The following MTUS2 variants were observed in gnomAD, a reference collection of about 807,000 sequenced individuals.
MTUS2 encodes the protein microtubule associated scaffold protein 2.
A neutral mutation model predicts 114.1 loss-of-function variants in MTUS2; 40 were observed. The observed-to-expected ratio is 0.35, with a 90% CI of 0.27 to 0.46. The LOEUF (loss-of-function observed/expected upper bound fraction) is 0.46. Among genes scored for constraint, MTUS2 ranks in the 20% least tolerant of loss-of-function variants. The pLI, the probability that MTUS2 is intolerant of heterozygous loss-of-function variation, is 1.00. For missense variants in MTUS2, 1,679 were observed against 1,705.4 expected, an observed-to-expected ratio of 0.98 and a Z score of 0.27; for synonymous variants, 688 against 672.0, an observed-to-expected ratio of 1.02 and a Z score of -0.37.
chr13:29,146,980 GAT>G (rs1892462212), intron 5 of MTUS2, among the ~76,000 whole-genome samples: 1 of 152,172 alleles, frequency 6.6e-6, no homozygotes, highest in South Asian at 2.1e-4. Context: ...GAAACAATGA[GAT>G]ATCACACTAA....
At chr13:29,355,227 G>A (rs147609351) in intron 7 of MTUS2, among the ~76,000 whole-genome samples, 31 of 152,270 alleles carry the variant, frequency 2.0e-4, no homozygotes, top group Non-Finnish European at 3.4e-4. Flanking sequence ...TGCACGCAAC[G>A]CCTAGCCTTT....
chr13:29,023,983 C>G (rs1397222627), intron 2 of MTUS2, among the ~76,000 whole-genome samples: 2 of 152,154 alleles, frequency 1.3e-5, no homozygotes, highest in Non-Finnish European at 2.9e-5. Flanking sequence ...AATGAAGTAG[C>G]CTGGGGGAAG....
chr13:29,150,501 C>A (rs1334274005), intron 5 of MTUS2, among the ~76,000 whole-genome samples: 3 of 152,156 alleles, frequency 2.0e-5, no homozygotes, highest in Non-Finnish European at 4.4e-5. Flanking sequence ...TCTGTTCACA[C>A]TGTTGATAGT....
intron 7 of MTUS2, among the ~76,000 whole-genome samples, chr13:29,354,432 T>C (rs1869566118): frequency 6.6e-6 from 1 of 152,200 alleles, no homozygotes; most frequent in African/African-American, 2.4e-5. Flanking sequence ...CCTGTACTTC[T>C]TGTAAATCAC....
At chr13:29,391,081 GATT>G (rs113250854) in intron 8 of MTUS2, among the ~76,000 whole-genome samples, 5,810 of 151,226 alleles carry the variant, frequency 0.038, 395 homozygotes, top group African/African-American at 0.13. Flanking sequence ...GCCCATCCCA[GATT>G]ATTATTATTG....
intron 6 of MTUS2, among the ~76,000 whole-genome samples, chr13:29,313,742 C>T (rs1264545109): frequency 1.3e-5 from 2 of 151,972 alleles, no homozygotes; most frequent in Non-Finnish European, 2.9e-5. Context: ...CAAAAAGATC[C>T]AGAGCAAGAC....
chr13:29,477,339 T>C (rs1243430425), intron 9 of MTUS2, among the ~76,000 whole-genome samples: 1 of 152,222 alleles, frequency 6.6e-6, no homozygotes, highest in Non-Finnish European at 1.5e-5. Context: ...ACCTCTTCTG[T>C]GATTCCTAAG....
intron 2 of MTUS2, among the ~76,000 whole-genome samples, chr13:28,883,931 A>C (rs1025867510): frequency 2.0e-4 from 30 of 152,208 alleles, no homozygotes; most frequent in African/African-American, 7.0e-4. Context: ...ACTCACGTGC[A>C]TTGGCTGGGG....
chr13:29,361,908 C>G (rs976906082), intron 8 of MTUS2, among the ~76,000 whole-genome samples: 2 of 152,228 alleles, frequency 1.3e-5, no homozygotes, highest in Non-Finnish European at 2.9e-5. Context: ...ACAGCATGCT[C>G]TGGTGGAGAG....
chr13:29,458,023 A>T (rs1207437414), intron 9 of MTUS2, among the ~76,000 whole-genome samples: 1 of 152,108 alleles, frequency 6.6e-6, no homozygotes, highest in African/African-American at 2.4e-5. Flanking sequence ...AAGTGCTGGG[A>T]TTATAGGCGT....
intron 12 of MTUS2, among the ~76,000 whole-genome samples, chr13:29,495,119 G>A (rs1473777171): frequency 1.4e-5 from 2 of 147,788 alleles, no homozygotes; most frequent in Non-Finnish European, 3.0e-5. Flanking sequence ...CGGAGGCAGA[G>A]GTAGCAGTGA....
chr13:29,191,583 G>A, intron 5 of MTUS2, among the ~76,000 whole-genome samples: 1 of 152,072 alleles, frequency 6.6e-6, no homozygotes, highest in African/African-American at 2.4e-5. Context: ...ATGGGGGACT[G>A]GGCTTCTGTG....
At position 29,100,816 on chromosome 13, in the gene MTUS2, T is replaced by A; in HGVS notation, c.2490T>A (p.Asn830Lys). Residue 830 changes from asparagine to lysine, a missense_variant, in exon 5 of 16, where the codon AAT becomes AAA. Around this residue, in one of 3 missense-constraint regions of MTUS2, gnomAD observed 822 missense variants for 899.7 expected, o/e 0.91. Transcript: ENST00000612955. ...CCAGTTCAAATGCTGCAAAATCCAA[T>A]CTCCCGAAATCTGGTCTCCGTCCTC... Reference protein sequence around the residue: ...KASSSNAAKSNLPKSGLRPPG... With the variant: ...KASSSNAAKSKLPKSGLRPPG... 6.4e-7 allele frequency: 1 copy of A among 1,551,628 alleles called. No individual in the cohort carries two copies. The highest frequency in any genetic ancestry group is 8.7e-7 in the Non-Finnish European group (1 of 1,146,996).
chr13:29,206,124 T>C (rs1455570412), intron 5 of MTUS2, among the ~76,000 whole-genome samples: 1 of 152,206 alleles, frequency 6.6e-6, no homozygotes, highest in African/African-American at 2.4e-5. Context: ...AAGGTGGTAT[T>C]GCATTATGGT....
intron 8 of MTUS2, among the ~76,000 whole-genome samples, chr13:29,359,826 A>T (rs534627187): frequency 1.1e-3 from 163 of 152,278 alleles, no homozygotes; most frequent in Non-Finnish European, 1.9e-3. Flanking sequence ...GGAGATGGTC[A>T]CTTTCCGACA....
chr13:29,035,252 G>T (rs1468533900), intron 4 of MTUS2, among the ~76,000 whole-genome samples: 3 of 152,142 alleles, frequency 2.0e-5, no homozygotes, highest in Non-Finnish European at 4.4e-5. Context: ...TGTTCCCATG[G>T]TTGATCATTG....
intron 2 of MTUS2, among the ~76,000 whole-genome samples, chr13:28,999,894 TACTTC>T (rs1179688913): frequency 1.3e-5 from 2 of 152,364 alleles, no homozygotes; most frequent in African/African-American, 2.4e-5. Context: ...GTGTTTGGCT[TACTTC>T]ACTTAACATA....
At chr13:28,876,067 T>C (rs922178415) in intron 2 of MTUS2, among the ~76,000 whole-genome samples, 1 of 152,218 alleles carries the variant, frequency 6.6e-6, no homozygotes. Context: ...GGGTGGTAGC[T>C]CCTCTAATTT....
chr13:29,148,267 T>G (rs146611386), intron 5 of MTUS2, among the ~76,000 whole-genome samples: 31 of 151,996 alleles, frequency 2.0e-4, no homozygotes, highest in African/African-American at 7.5e-4. Context: ...TGTGCAGGTT[T>G]CTTAAATAAG....
Sources: gnomAD v4.1 joint callset for allele counts (sites outside exome capture counted in the v4.1 genomes callset) on GRCh38, gnomAD v4.1.1 for gene constraint, gnomAD v4.1.1 regional missense constraint, MANE v1.5 for transcripts, NCBI Gene and HGNC (gene_info 2026-07-23, HGNC 2026-07-21) for gene names.